LRRTM4: variants seen among roughly 807,000 people sequenced by gnomAD.
LRRTM4 encodes the protein leucine rich repeat transmembrane neuronal 4.
In LRRTM4, 25 loss-of-function variants were observed where a neutral mutation model predicts 47.6. The ratio of observed to expected loss-of-function variants is 0.53; its 90% CI spans 0.38 to 0.73. The LOEUF (loss-of-function observed/expected upper bound fraction) is 0.73, where lower values mean the gene tolerates loss of function less well. Among genes scored for constraint, LRRTM4 ranks in the 30% least tolerant of loss-of-function variants. The pLI is 0.00. For synonymous variants in LRRTM4, 311 were observed against 269.5 expected (o/e 1.15, Z -1.51); for missense variants, 638 against 713.4 (o/e 0.89, Z 1.20).
intron 3 of LRRTM4, among the ~76,000 whole-genome samples, chr2:76,984,203 A>G (rs978738746): frequency 6.6e-6 from 1 of 152,094 alleles, no homozygotes; most frequent in African/African-American, 2.4e-5. Flanking sequence ...TACACATAAG[A>G]CAGCTTTTCA....
chr2:76,904,419 G>A (rs1159853732), intron 3 of LRRTM4, among the ~76,000 whole-genome samples: 2 of 152,180 alleles, frequency 1.3e-5, no homozygotes, highest in African/African-American at 4.8e-5. Flanking sequence ...GCTTAGGCAT[G>A]TCCTATATAC....
chr2:77,362,775 C>T (rs1505229), intron 3 of LRRTM4, among the ~76,000 whole-genome samples: 60,107 of 151,940 alleles, frequency 0.4, 12,203 homozygotes, highest in East Asian at 0.64. Flanking sequence ...AATCAAATAA[C>T]TGAGTCCTTT....
At chr2:76,847,840 A>C (rs984480651) in intron 3 of LRRTM4, among the ~76,000 whole-genome samples, 1 of 152,170 alleles carries the variant, frequency 6.6e-6, no homozygotes, top group African/African-American at 2.4e-5. Flanking sequence ...ATTTAAATTA[A>C]TTTACATAAG....
At chr2:76,835,510 G>C (rs1170743069) in intron 3 of LRRTM4, among the ~76,000 whole-genome samples, 3 of 152,010 alleles carry the variant, frequency 2.0e-5, no homozygotes, top group Admixed American at 6.6e-5. Flanking sequence ...ACTAAGAAAT[G>C]TCATTTATAT....
intron 3 of LRRTM4, among the ~76,000 whole-genome samples, chr2:77,326,556 G>A (rs1301287800): frequency 1.3e-5 from 2 of 151,952 alleles, no homozygotes; most frequent in South Asian, 2.1e-4. Flanking sequence ...ACCATTCCTG[G>A]CTATTGGTTT....
intron 3 of LRRTM4, among the ~76,000 whole-genome samples, chr2:77,259,763 A>G (rs1354508673): frequency 6.6e-6 from 1 of 152,074 alleles, no homozygotes; most frequent in Non-Finnish European, 1.5e-5. Context: ...TTCAATACAG[A>G]GGATATATCA....
chr2:77,355,737 T>C (rs1373900231), intron 3 of LRRTM4, among the ~76,000 whole-genome samples: 5 of 152,188 alleles, frequency 3.3e-5, no homozygotes, highest in African/African-American at 1.2e-4. Context: ...GTTTGTCTAA[T>C]TGGCTCTGGT....
chr2:77,171,130 A>G (rs1015836793), intron 3 of LRRTM4, among the ~76,000 whole-genome samples: 1 of 152,114 alleles, frequency 6.6e-6, no homozygotes, highest in African/African-American at 2.4e-5. Flanking sequence ...TAATGAGGAA[A>G]TAAGTTTGGG....
intron 3 of LRRTM4, among the ~76,000 whole-genome samples, chr2:77,147,254 T>A (rs1672283494): frequency 6.6e-6 from 1 of 152,194 alleles, no homozygotes; most frequent in Non-Finnish European, 1.5e-5. Context: ...AAGACATTGA[T>A]GCAGATATAA....
At chr2:76,863,489 A>C (rs984985790) in intron 3 of LRRTM4, among the ~76,000 whole-genome samples, 2 of 152,126 alleles carry the variant, frequency 1.3e-5, no homozygotes, top group African/African-American at 4.8e-5. Context: ...AGAAAATCTA[A>C]ATTCAGAGTT....
intron 3 of LRRTM4, among the ~76,000 whole-genome samples, chr2:77,111,283 ATTTTTTT>A (rs71381260): frequency 8.8e-6 from 1 of 113,168 alleles, no homozygotes; most frequent in Non-Finnish European, 1.7e-5. Flanking sequence ...ACACCTGGCT[ATTTTTTT>A]TTTTTTTTTT....
intron 3 of LRRTM4, among the ~76,000 whole-genome samples, chr2:77,060,521 A>C (rs1265992272): frequency 6.6e-6 from 1 of 152,186 alleles, no homozygotes; most frequent in African/African-American, 2.4e-5. Context: ...ATTTGTATTA[A>C]AATGACTTGA....
chr2:77,045,292 C>A (rs1156495254), intron 3 of LRRTM4, among the ~76,000 whole-genome samples: 1 of 151,912 alleles, frequency 6.6e-6, no homozygotes, highest in South Asian at 2.1e-4. Context: ...GTGCCTATCA[C>A]TCAGTTTCAA....
intron 3 of LRRTM4, among the ~76,000 whole-genome samples, chr2:77,259,071 A>G (rs910754225): frequency 4.0e-5 from 6 of 151,810 alleles, no homozygotes; most frequent in Non-Finnish European, 7.4e-5. Flanking sequence ...CAGTGTGGAG[A>G]TATTTGACAC....
chr2:77,368,929 A>C (rs1231261206), intron 3 of LRRTM4, among the ~76,000 whole-genome samples: 1 of 151,762 alleles, frequency 6.6e-6, no homozygotes, highest in Non-Finnish European at 1.5e-5. Flanking sequence ...ACTATTTTTG[A>C]TAATGGCTTC....
intron 3 of LRRTM4, among the ~76,000 whole-genome samples, chr2:76,836,869 G>T (rs990886683): frequency 6.6e-5 from 10 of 152,068 alleles, no homozygotes; most frequent in African/African-American, 1.9e-4. Flanking sequence ...TTTTAGGCCG[G>T]TCTAAGAGAA....
At chr2:76,908,437 C>T (rs1673929210) in intron 3 of LRRTM4, among the ~76,000 whole-genome samples, 1 of 151,032 alleles carries the variant, frequency 6.6e-6, no homozygotes, top group Admixed American at 6.6e-5. Context: ...TGGCACAAGA[C>T]AGGGATGCCC....
intron 3 of LRRTM4, among the ~76,000 whole-genome samples, chr2:76,924,772 A>T (rs186664027): frequency 2.6e-5 from 4 of 151,934 alleles, no homozygotes; most frequent in Admixed American, 2.0e-4. Flanking sequence ...ACACACGCAG[A>T]CACACACACA....
intron 3 of LRRTM4, among the ~76,000 whole-genome samples, chr2:77,062,599 T>A (rs926568724): frequency 2.0e-5 from 3 of 152,208 alleles, no homozygotes; most frequent in African/African-American, 7.2e-5. Flanking sequence ...GTGATTATAC[T>A]GATACTTTAA....
Sources: gnomAD v4.1 joint callset for allele counts (sites outside exome capture counted in the v4.1 genomes callset) on GRCh38, gnomAD v4.1.1 for gene constraint, MANE v1.5 for transcripts, NCBI Gene and HGNC (gene_info 2026-07-23, HGNC 2026-07-21) for gene names.